Variants in SLIT2 observed in about 807,000 individuals in gnomAD.
SLIT2 encodes the protein slit guidance ligand 2.
SLIT2 carries 41 observed loss-of-function variants against 185.7 expected under a neutral mutation model. That is an observed-to-expected ratio of 0.22 (90% CI 0.17 to 0.29). SLIT2 has a LOEUF of 0.29. Ranked by LOEUF, SLIT2 falls within the 10% of genes least tolerant of loss-of-function variation. The pLI is 1.00. For synonymous variants in SLIT2, 693 were observed against 680.2 expected (o/e 1.02, Z -0.29); for missense variants, 1,571 against 1,909.0 (o/e 0.82, Z 3.30).
chr4:20,522,346 C>G (rs1372560974), intron 12 of SLIT2, among the ~76,000 whole-genome samples: 1 of 152,054 alleles, frequency 6.6e-6, no homozygotes, highest in East Asian at 1.9e-4. Flanking sequence ...CATACCAACC[C>G]TATTGAGACC....
At chr4:20,315,475 A>G (rs1017979845) in intron 4 of SLIT2, among the ~76,000 whole-genome samples, 5 of 152,144 alleles carry the variant, frequency 3.3e-5, no homozygotes, top group Non-Finnish European at 7.4e-5. Context: ...ATTTGGTTTT[A>G]AATTTGAAGA....
At chr4:20,583,147 A>G (rs953664879) in intron 29 of SLIT2, among the ~76,000 whole-genome samples, 7 of 152,232 alleles carry the variant, frequency 4.6e-5, no homozygotes, top group Admixed American at 2.0e-4. Context: ...TTTACTTGGG[A>G]AATTACTGAA....
At chr4:20,348,991 C>T (rs1360352477) in intron 4 of SLIT2, among the ~76,000 whole-genome samples, 1 of 152,168 alleles carries the variant, frequency 6.6e-6, no homozygotes, top group Non-Finnish European at 1.5e-5. Context: ...TTTGCCTTTT[C>T]CTAGAATCAG....
chr4:20,573,299 G>T, intron 29 of SLIT2: 1 of 702,844 alleles, frequency 1.4e-6, no homozygotes, highest in Non-Finnish European at 2.6e-6. Flanking sequence ...TTTCATTTTA[G>T]TCTCCCTCTT....
intron 4 of SLIT2, among the ~76,000 whole-genome samples, chr4:20,433,099 T>A (rs1729107797): frequency 6.6e-6 from 1 of 152,228 alleles, no homozygotes; most frequent in South Asian, 2.1e-4. Flanking sequence ...AAACTCTGTG[T>A]ATGTGTATAC....
chr4:20,286,400 C>T (rs951905205), intron 4 of SLIT2, among the ~76,000 whole-genome samples: 13 of 152,152 alleles, frequency 8.5e-5, no homozygotes, highest in African/African-American at 2.4e-4. Context: ...TTGGTTCATC[C>T]GTCTTCTCCT....
At position 20,413,426 on chromosome 4, in the gene SLIT2, C is replaced by G. The variant is rs576957363; in HGVS notation, c.396-54326C>G. ...TTAATGTGTATTTTTATTGCTGTTG[C>G]GTAAAGTATTCTATAGATGTCTGTT... On this transcript the variant is annotated intron_variant, in intron 4 of 36. Transcript: ENST00000504154. 5.7e-4 allele frequency among the ~76,000 whole-genome samples: 86 copies of G among 152,024 alleles called. No homozygotes were observed. The South Asian group carries it at 0.014, about 25-fold the overall frequency.
chr4:20,445,486 T>C (rs1371161666), intron 4 of SLIT2, among the ~76,000 whole-genome samples: 1 of 152,224 alleles, frequency 6.6e-6, no homozygotes, highest in East Asian at 1.9e-4. Flanking sequence ...CTGTCTCCTC[T>C]TTGTTAGACA....
intron 29 of SLIT2, among the ~76,000 whole-genome samples, chr4:20,589,399 C>T (rs776231711): frequency 6.6e-5 from 10 of 152,188 alleles, no homozygotes; most frequent in Non-Finnish European, 1.2e-4. Flanking sequence ...TGAGGGTGCT[C>T]ATATTAGTCA....
chr4:20,472,267 GATATAT>G (rs1325464832), intron 5 of SLIT2, among the ~76,000 whole-genome samples: 1 of 30,114 alleles, frequency 3.3e-5, no homozygotes, highest in Non-Finnish European at 5.4e-5. Flanking sequence ...TCTATATATA[GATATAT>G]ATCTATATAT....
intron 4 of SLIT2, among the ~76,000 whole-genome samples, chr4:20,455,555 G>T (rs1712973209): frequency 6.6e-6 from 1 of 151,908 alleles, no homozygotes; most frequent in Non-Finnish European, 1.5e-5. Flanking sequence ...CATCAGCCAA[G>T]AAATAAACAA....
At chr4:20,467,381 G>A (rs1471914589) in intron 4 of SLIT2, among the ~76,000 whole-genome samples, 1 of 151,956 alleles carries the variant, frequency 6.6e-6, no homozygotes, top group African/African-American at 2.4e-5. Context: ...GGGTGTTGGA[G>A]AAATATAAAC....
chr4:20,517,696 G>T (rs759069649), intron 11 of SLIT2, among the ~76,000 whole-genome samples: 1 of 151,766 alleles, frequency 6.6e-6, no homozygotes, highest in African/African-American at 2.4e-5. Context: ...AATAGCACCC[G>T]GCTTTATTTA....
At position 20,437,307 on chromosome 4, in the gene SLIT2, TGTTGAAGGCAAAAAACTAGGAGTCAG is replaced by T. The variant is rs537295549; in HGVS notation, c.396-30442_396-30417del. On this transcript the variant is annotated intron_variant, in intron 4 of 36. Coordinates refer to ENST00000504154, the MANE Select transcript of SLIT2 (RefSeq NM_004787.4). ...CTTCTCATGAATGTCATCCTCTCCT[TGTTGAAGGCAAAAAACTAGGAGTCAG>T]GTCAGATGCAGTGGCTCACACCTGT... 8.5e-5 allele frequency among the ~76,000 whole-genome samples: 13 copies of T among 152,218 alleles called. No individual in the cohort carries two copies. In the South Asian group the frequency reaches 2.7e-3, roughly 32 times the overall value.
rs114840669 is a variant in SLIT2 at position 20,425,548 on chromosome 4, C to T, written c.396-42204C>T. On this transcript the variant is annotated intron_variant, in intron 4 of 36. Coordinates refer to ENST00000504154, the MANE Select transcript of SLIT2 (RefSeq NM_004787.4). ...TATCTACTGTAGAGAACAAGGATCC[C>T]GTTTAAAGAAATGTCATATTGATTA... 7.1e-3 allele frequency among the ~76,000 whole-genome samples: 1,076 copies of T among 152,066 alleles called. 12 individuals are homozygous for T. Among genetic ancestry groups the T allele is most frequent in the African/African-American group, 0.024 (1,008 of 41,490 alleles).
chr4:20,511,611 G>GTTTTTTT (rs1553915431), intron 11 of SLIT2, among the ~76,000 whole-genome samples: 2 of 22,462 alleles, frequency 8.9e-5, no homozygotes, highest in African/African-American at 3.6e-4. Flanking sequence ...TTTATTTTTG[G>GTTTTTTT]TAGAGATGGA....
intron 4 of SLIT2, among the ~76,000 whole-genome samples, chr4:20,343,865 T>G (rs1315011627): frequency 6.6e-6 from 1 of 151,950 alleles, no homozygotes; most frequent in Non-Finnish European, 1.5e-5. Flanking sequence ...TAGTATTATT[T>G]TTTTGAGATG....
At chr4:20,582,067 C>T (rs1417852867) in intron 29 of SLIT2, among the ~76,000 whole-genome samples, 1 of 152,132 alleles carries the variant, frequency 6.6e-6, no homozygotes, top group Non-Finnish European at 1.5e-5. Context: ...TTTCAAAGTG[C>T]AGATGTCATC....
chr4:20,283,601 T>C (rs890823007), intron 4 of SLIT2, among the ~76,000 whole-genome samples: 2 of 152,210 alleles, frequency 1.3e-5, no homozygotes, highest in African/African-American at 4.8e-5. Flanking sequence ...TAATCATTAC[T>C]GAAAATTACC....
Sources: allele counts gnomAD v4.1 joint callset (sites outside exome capture counted in the v4.1 genomes callset), GRCh38; gene constraint gnomAD v4.1.1; transcripts MANE v1.5; gene names NCBI Gene and HGNC (gene_info 2026-07-23, HGNC 2026-07-21).